The following GPM6A variants were observed in gnomAD, a reference collection of about 807,000 sequenced individuals.
GPM6A encodes the protein glycoprotein M6A.
In GPM6A, 7 loss-of-function variants were observed where a neutral mutation model predicts 32.1. That is an observed-to-expected ratio of 0.22 (90% confidence interval 0.12 to 0.41). The LOEUF is 0.41. GPM6A is among the 10% of genes least tolerant of loss of function. The probability of loss-of-function intolerance (pLI) is 1.00; values close to 1 mark genes in which losing one functional copy is unlikely to be tolerated. For missense variants in GPM6A, 235 were observed against 347.2 expected (o/e 0.68, Z 2.57); for synonymous variants, 130 against 123.4 (o/e 1.05, Z -0.35).
At chr4:175,733,327 T>C (rs1731513975) in intron 1 of GPM6A, among the ~76,000 whole-genome samples, 1 of 151,624 alleles carries the variant, frequency 6.6e-6, no homozygotes, top group African/African-American at 2.4e-5. Flanking sequence ...CACAGTGAAA[T>C]CCTGTCACTA....
At chr4:175,915,273 C>T (rs1738454938) in intron 1 of GPM6A, among the ~76,000 whole-genome samples, 1 of 148,174 alleles carries the variant, frequency 6.7e-6, no homozygotes, top group Admixed American at 6.7e-5. Flanking sequence ...GGCTATCCTT[C>T]CTTAATTAAA....
intron 2 of GPM6A, among the ~76,000 whole-genome samples, chr4:175,675,634 A>G (rs1743320053): frequency 1.3e-5 from 2 of 151,894 alleles, no homozygotes; most frequent in Middle Eastern, 3.2e-3. Flanking sequence ...TTCTTCGTAT[A>G]ATTTCCACTT....
At chr4:175,846,940 G>C (rs1736106612) in intron 1 of GPM6A, among the ~76,000 whole-genome samples, 1 of 152,042 alleles carries the variant, frequency 6.6e-6, no homozygotes, top group Non-Finnish European at 1.5e-5. Flanking sequence ...TCATTTTGAG[G>C]TCAAAAACAA....
chr4:175,677,848 A>G (rs562372678), intron 2 of GPM6A, among the ~76,000 whole-genome samples: 1 of 152,318 alleles, frequency 6.6e-6, no homozygotes, highest in South Asian at 2.1e-4. Flanking sequence ...CAAATGTACC[A>G]GTCATGAAAA....
intron 1 of GPM6A, among the ~76,000 whole-genome samples, chr4:175,890,976 G>A (rs1737631134): frequency 6.6e-6 from 1 of 152,044 alleles, no homozygotes; most frequent in South Asian, 2.1e-4. Flanking sequence ...TATGCAACTA[G>A]ATGTAGATAT....
chr4:175,672,437 AATTCACTAT>A (rs1743135491), intron 3 of GPM6A, among the ~76,000 whole-genome samples: 1 of 152,186 alleles, frequency 6.6e-6, no homozygotes, highest in Non-Finnish European at 1.5e-5. Context: ...TATATAACTC[AATTCACTAT>A]ACTCTATTGA....
chr4:175,970,923 A>G (rs1197496034), intron 1 of GPM6A: 10 of 456,128 alleles, frequency 2.2e-5, no homozygotes, highest in South Asian at 1.5e-4. Flanking sequence ...TCCCAACTGA[A>G]GAACACAGGG....
chr4:175,680,251 C>T (rs935660542), intron 2 of GPM6A, among the ~76,000 whole-genome samples: 3 of 152,082 alleles, frequency 2.0e-5, no homozygotes, highest in African/African-American at 7.2e-5. Flanking sequence ...CCCAGTCTAT[C>T]GCTACAGGGA....
intron 1 of GPM6A, among the ~76,000 whole-genome samples, chr4:175,932,141 A>G (rs1287603006): frequency 2.0e-5 from 3 of 151,784 alleles, no homozygotes; most frequent in Non-Finnish European, 4.4e-5. Context: ...AAAAAGTGCT[A>G]GGAATGATAA....
chr4:175,993,722 A>T (rs1741220702), intron 1 of GPM6A, among the ~76,000 whole-genome samples: 1 of 152,242 alleles, frequency 6.6e-6, no homozygotes, highest in Admixed American at 6.5e-5. Flanking sequence ...TTTGTCAATT[A>T]TCTAAATGTT....
At chr4:175,643,387 G>A (rs1741267497) in intron 4 of GPM6A, among the ~76,000 whole-genome samples, 1 of 152,120 alleles carries the variant, frequency 6.6e-6, no homozygotes, top group African/African-American at 2.4e-5. Context: ...CTTCATCTCA[G>A]TCTTTTGTCC....
rs192465455 is a variant in GPM6A, at chr4:175,721,830, T to C, written c.38-20063A>G. ...TATTTTTACCCAACATCTGATAATATTCATATTAAGACTGAACTTGGAATT... is the reference window on the plus strand; with the variant it reads ...TATTTTTACCCAACATCTGATAATACTCATATTAAGACTGAACTTGGAATT... On this transcript the variant is annotated intron_variant, in intron 1 of 6. Coordinates refer to ENST00000393658, the MANE Select transcript of GPM6A (RefSeq NM_201591.3). Among the ~76,000 whole-genome samples, 303 of 152,258 alleles carry C rather than the reference T, an allele frequency of 2.0e-3. 1 individual carries two copies. Among genetic ancestry groups the C allele is most frequent in the African/African-American group, 4.3e-3 (178 of 41,544 alleles).
chr4:175,715,331 T>C (rs1028621313), intron 1 of GPM6A, among the ~76,000 whole-genome samples: 21 of 152,310 alleles, frequency 1.4e-4, no homozygotes, highest in Admixed American at 1.2e-3. Context: ...TGGTCTCAGC[T>C]GGGCAGCTTT....
At chr4:175,707,824 A>G (rs567278608) in intron 1 of GPM6A, among the ~76,000 whole-genome samples, 8 of 152,122 alleles carry the variant, frequency 5.3e-5, no homozygotes, top group Admixed American at 5.2e-4. Context: ...CGGTTGTTTT[A>G]TTGGTTAAAG....
intron 1 of GPM6A, among the ~76,000 whole-genome samples, chr4:175,899,059 CTTAGTCAGTT>C (rs558349820): frequency 1.9e-4 from 29 of 152,226 alleles, no homozygotes; most frequent in African/African-American, 6.7e-4. Context: ...TAAGCAAAAC[CTTAGTCAGTT>C]TTCAGTCCAT....
chr4:175,711,457 T>TATATATATACAC (rs1303046650), intron 1 of GPM6A, among the ~76,000 whole-genome samples: 8 of 28,006 alleles, frequency 2.9e-4, no homozygotes, highest in African/African-American at 4.2e-4. Context: ...TATATATATA[T>TATATATATACAC]ACACACACAT....
chr4:175,733,100 T>A (rs1436188699), intron 1 of GPM6A, among the ~76,000 whole-genome samples: 1 of 152,144 alleles, frequency 6.6e-6, no homozygotes, highest in African/African-American at 2.4e-5. Context: ...TGAAATGTCT[T>A]TTTACTGTAC....
chr4:175,674,365 C>G (rs905401188), intron 2 of GPM6A, among the ~76,000 whole-genome samples: 3 of 152,050 alleles, frequency 2.0e-5, no homozygotes, highest in African/African-American at 7.2e-5. Flanking sequence ...TTAGAAGAGG[C>G]AGGGTTTCAC....
At chr4:175,711,670 T>C (rs1019642221) in intron 1 of GPM6A, among the ~76,000 whole-genome samples, 1 of 141,860 alleles carries the variant, frequency 7.0e-6, no homozygotes, top group Non-Finnish European at 1.5e-5. Flanking sequence ...AGCTGTCTTG[T>C]GCATTCGGAG....
Sources: gnomAD v4.1 joint callset for allele counts (sites outside exome capture counted in the v4.1 genomes callset) on GRCh38, gnomAD v4.1.1 for gene constraint, MANE v1.5 for transcripts, NCBI Gene and HGNC (gene_info 2026-07-23, HGNC 2026-07-21) for gene names.